Variants in COL19A1 observed in about 807,000 individuals in gnomAD.
COL19A1 encodes collagen alpha-1(XIX) chain.
A neutral mutation model predicts 190.2 loss-of-function variants in COL19A1; 159 were observed. The ratio of observed to expected loss-of-function variants is 0.84; its 90% CI spans 0.73 to 0.95. The LOEUF (loss-of-function observed/expected upper bound fraction) is 0.95. COL19A1 is among the 40% of genes least tolerant of loss of function. The pLI is 0.00. For missense variants in COL19A1, 1,418 were observed against 1,431.9 expected, an observed-to-expected ratio of 0.99 and a Z score of 0.16; for synonymous variants, 509 against 458.9, an observed-to-expected ratio of 1.11 and a Z score of -1.39.
chr6:69,908,198 G>A (rs1387669734), intron 4 of COL19A1, among the ~76,000 whole-genome samples: 2 of 152,190 alleles, frequency 1.3e-5, no homozygotes, highest in African/African-American at 4.8e-5. Flanking sequence ...AAATTCAGAG[G>A]CTGAAAACTT....
intron 48 of COL19A1, among the ~76,000 whole-genome samples, chr6:70,195,409 C>A (rs758636357): frequency 3.9e-5 from 6 of 151,936 alleles, no homozygotes; most frequent in Non-Finnish European, 5.9e-5. Flanking sequence ...AGTGAGGGAC[C>A]CTTAATTTCA....
intron 15 of COL19A1, among the ~76,000 whole-genome samples, chr6:70,070,193 G>A (rs6455354): frequency 0.3 from 44,920 of 151,932 alleles, 7,061 homozygotes; most frequent in Non-Finnish European, 0.33. Flanking sequence ...AGGCTTTTTA[G>A]AAATAATAAT....
In COL19A1 at chr6:69,936,810, A is replaced by G. The variant is rs1773140973; in HGVS notation, c.773A>G (p.Asn258Ser). 6.2e-7 allele frequency: 1 copy of G among 1,612,948 alleles called. No individual in the cohort carries two copies. Among genetic ancestry groups the G allele is most frequent in the Non-Finnish European group, 8.5e-7 (1 of 1,179,262 alleles). Residue 258 changes from asparagine (N) to serine (S), a missense_variant, in exon 8 of 51, where the codon AAT (asparagine) becomes AGT (serine). Physicochemically the swap from Asn to Ser is conservative, Grantham distance 46. Coordinates refer to ENST00000620364, the MANE Select transcript of COL19A1 (RefSeq NM_001858.6). ...TKCPEQDGFG[N>S]IASSWVTAHA... ...TGCCCAGAGCAGGATGGCTTTGGAA[A>G]TATTGCATCATCATGGGTAACTGCT...
chr6:70,182,437 T>C (rs1766233342), intron 44 of COL19A1, among the ~76,000 whole-genome samples: 1 of 152,120 alleles, frequency 6.6e-6, no homozygotes, highest in African/African-American at 2.4e-5. Context: ...CAGGTGGAGA[T>C]GTCAAGTACA....
In COL19A1 at chr6:70,184,751, T is replaced by C. The variant is rs761929342; in HGVS notation, c.2811+13T>C. On this transcript the variant is annotated intron_variant, in intron 45 of 50. Transcript: ENST00000620364. ...ACCAGGTGCTCAGGTATGGGAAATA[T>C]GATTTAAAATAAAAGTTATAATGCA... The C allele has an allele frequency of 4.4e-6, 7 of 1,602,992 alleles. No individual in the cohort carries two copies. The South Asian group carries it at 7.8e-5, about 18-fold the overall frequency.
intron 11 of COL19A1, among the ~76,000 whole-genome samples, chr6:70,017,070 G>A (rs531935841): frequency 6.6e-6 from 1 of 152,008 alleles, no homozygotes; most frequent in East Asian, 1.9e-4. Context: ...GTTCATGGCA[G>A]CATTATTTAG....
At chr6:70,186,210 G>A (rs1476773675) in intron 46 of COL19A1, among the ~76,000 whole-genome samples, 1 of 152,074 alleles carries the variant, frequency 6.6e-6, no homozygotes, top group Admixed American at 6.5e-5. Flanking sequence ...CCTTCTAGTT[G>A]TCATAATAAT....
chr6:70,142,852 T>A (rs1471727240), intron 23 of COL19A1, 32 bp downstream of exon 23: 1 of 1,583,034 alleles, frequency 6.3e-7, no homozygotes, highest in East Asian at 2.2e-5. Flanking sequence ...TTTCTGGAAT[T>A]GAAATTGAGA....
chr6:69,955,147 A>C (rs1024315200), intron 9 of COL19A1, among the ~76,000 whole-genome samples: 3 of 152,226 alleles, frequency 2.0e-5, no homozygotes, highest in Admixed American at 6.6e-5. Flanking sequence ...TCTCATAATA[A>C]AGTGAAAAGC....
At chr6:70,101,878 C>CTTTATATATATAAAGTATATATATATA (rs1783653469) in intron 15 of COL19A1, among the ~76,000 whole-genome samples, 1 of 152,090 alleles carries the variant, frequency 6.6e-6, no homozygotes, top group African/African-American at 2.4e-5. Context: ...CCATCTTAGA[C>CTTTATATATATAAAGTATATATATATA]CATCTTTCAT....
intron 4 of COL19A1, among the ~76,000 whole-genome samples, chr6:69,911,768 T>G (rs1256876563): frequency 6.6e-6 from 1 of 152,200 alleles, no homozygotes; most frequent in East Asian, 1.9e-4. Flanking sequence ...TCTAAGACCT[T>G]GATCCACCCA....
intron 34 of COL19A1, 87 bp from the exon 35 acceptor site, chr6:70,161,813 A>G (rs151091803): frequency 3.2e-6 from 3 of 945,952 alleles, no homozygotes; most frequent in Non-Finnish European, 4.7e-6. Flanking sequence ...TAAGTGTTTA[A>G]TGTTCAATGG....
chr6:69,947,224 A>T (rs1246114342), intron 9 of COL19A1, among the ~76,000 whole-genome samples: 1 of 151,860 alleles, frequency 6.6e-6, no homozygotes, highest in Non-Finnish European at 1.5e-5. Flanking sequence ...TATAATATAG[A>T]CTATAAGACA....
intron 14 of COL19A1, among the ~76,000 whole-genome samples, chr6:70,061,318 T>C (rs1780816272): frequency 6.6e-6 from 1 of 152,126 alleles, no homozygotes; most frequent in South Asian, 2.1e-4. Flanking sequence ...GAATTACAAA[T>C]TGGTCTTGGA....
At chr6:69,996,547 T>A (rs956151661) in intron 11 of COL19A1, among the ~76,000 whole-genome samples, 1 of 152,172 alleles carries the variant, frequency 6.6e-6, no homozygotes, top group African/African-American at 2.4e-5. Flanking sequence ...ATTTTGTAAC[T>A]TCCTTTGTTT....
At chr6:70,096,243 C>A (rs1357542391) in intron 15 of COL19A1, among the ~76,000 whole-genome samples, 1 of 149,622 alleles carries the variant, frequency 6.7e-6, no homozygotes, top group Non-Finnish European at 1.5e-5. Context: ...CATATGCCAC[C>A]ATGCCCAGCT....
intron 15 of COL19A1, chr6:70,098,258 G>A (rs1315087362): frequency 3.6e-6 from 1 of 275,944 alleles, no homozygotes; most frequent in African/African-American, 2.2e-5. Flanking sequence ...TTTTTTCTTG[G>A]CCTAATTATT....
In COL19A1 at chr6:70,168,023, A is replaced by G. The variant is rs758370170; in HGVS notation, c.2446-2A>G. On this transcript the variant is annotated splice_acceptor_variant, in intron 37 of 50. Coordinates refer to ENST00000620364, the MANE Select transcript of COL19A1 (RefSeq NM_001858.6). LOFTEE classifies it high-confidence loss of function. Reference sequence around the variant, plus strand: ...AATTCTGTATCTCACCTCTTTCCTAAGGGTATTCCATTTAATGAACGAAAC... The same window carrying G: ...AATTCTGTATCTCACCTCTTTCCTAGGGGTATTCCATTTAATGAACGAAAC... 1.9e-6 allele frequency: 3 copies of G among 1,586,264 alleles called. No homozygotes were observed. Among genetic ancestry groups the G allele is most frequent in the Non-Finnish European group, 2.6e-6 (3 of 1,161,782 alleles).
At chr6:69,908,966 T>C (rs1230068478) in intron 4 of COL19A1, among the ~76,000 whole-genome samples, 1 of 152,162 alleles carries the variant, frequency 6.6e-6, no homozygotes, top group Non-Finnish European at 1.5e-5. Flanking sequence ...TAAAATATTT[T>C]TGTGTTTCAC....
Sources: allele counts gnomAD v4.1 joint callset (sites outside exome capture counted in the v4.1 genomes callset), GRCh38; gene constraint gnomAD v4.1.1; transcripts MANE v1.5; gene names NCBI Gene and HGNC (gene_info 2026-07-23, HGNC 2026-07-21).